MID1: variants seen among roughly 807,000 people sequenced by gnomAD.
The protein encoded by MID1 is midline 1.
MID1 carries 7 observed loss-of-function variants against 40.4 expected under a neutral mutation model. The observed-to-expected ratio is 0.17, with a 90% CI of 0.10 to 0.33. The LOEUF (loss-of-function observed/expected upper bound fraction) is 0.33. Among genes scored for constraint, MID1 ranks in the 10% least tolerant of loss-of-function variants. The probability of loss-of-function intolerance (pLI) is 1.00; values close to 1 mark genes in which losing one functional copy is unlikely to be tolerated. For synonymous variants in MID1, 229 were observed against 221.2 expected, an observed-to-expected ratio of 1.04 and a Z score of -0.31; for missense variants, 367 against 558.5, an observed-to-expected ratio of 0.66 and a Z score of 3.46.
intron 1 of MID1, among the ~76,000 whole-genome samples, chrX:10,796,485 G>A (rs1164953893): frequency 2.9e-5 from 3 of 102,286 alleles, no homozygotes; most frequent in South Asian, 9.2e-4. Flanking sequence ...TGTAGGCCCC[G>A]CATTTTTGTT....
At chrX:10,562,757 T>C (rs992841229) in intron 2 of MID1, among the ~76,000 whole-genome samples, 1 of 106,658 alleles carries the variant, frequency 9.4e-6, no homozygotes, top group Non-Finnish European at 1.9e-5. Context: ...TTTTGAGTGA[T>C]GGGAATATAG....
chrX:10,565,749 T>C (rs1395029125), intron 2 of MID1, among the ~76,000 whole-genome samples: 1 of 111,279 alleles, frequency 9.0e-6, no homozygotes, highest in Non-Finnish European at 1.9e-5. Flanking sequence ...TGAACAAACA[T>C]GTGGAGACTT....
At chrX:10,718,868 C>T (rs1437280754) in intron 1 of MID1, among the ~76,000 whole-genome samples, 1 of 111,810 alleles carries the variant, frequency 8.9e-6, no homozygotes, top group African/African-American at 3.3e-5. Flanking sequence ...TGGGCTTCAT[C>T]CCTGGGATGC....
At chrX:10,498,504 G>A (rs142384266) in intron 3 of MID1, among the ~76,000 whole-genome samples, 4 of 111,791 alleles carry the variant, frequency 3.6e-5, no homozygotes, top group East Asian at 5.6e-4. Flanking sequence ...GTGGGTTTTC[G>A]TGTATTCACA....
At chrX:10,764,936 G>C (rs770850330) in intron 1 of MID1, among the ~76,000 whole-genome samples, 6 of 111,485 alleles carry the variant, frequency 5.4e-5, no homozygotes, top group South Asian at 7.5e-4. Flanking sequence ...ACCTCTCCTT[G>C]GCTTCTGAAA....
chrX:10,667,676 A>C (rs186672282), intron 1 of MID1, among the ~76,000 whole-genome samples: 2 of 110,997 alleles, frequency 1.8e-5, no homozygotes, highest in East Asian at 5.6e-4. Context: ...GTGAAGGGGG[A>C]CCAGAATCGC....
chrX:10,461,624 C>T (rs1030631216), intron 7 of MID1, among the ~76,000 whole-genome samples: 2 of 111,157 alleles, frequency 1.8e-5, no homozygotes, highest in Non-Finnish European at 3.8e-5. Context: ...GTTCTGGGCC[C>T]CAAGAGGCCT....
intron 1 of MID1, among the ~76,000 whole-genome samples, chrX:10,799,951 T>C (rs2043994417): frequency 9.0e-6 from 1 of 110,916 alleles, no homozygotes; most frequent in Admixed American, 9.6e-5. Context: ...AGTCTTTTTT[T>C]TTTTTATTAA....
intron 3 of MID1, chrX:10,501,406 C>A: frequency 8.7e-7 from 1 of 1,154,890 alleles, no homozygotes; most frequent in Non-Finnish European, 1.1e-6. Context: ...TCAGCACATA[C>A]CTTCTCTACA....
chrX:10,716,146 T>G lies in MID1; in HGVS notation c.-186-95727A>C, dbSNP rs764438048. ...TCTAAAAATCAAGCACCTCTCCTCC[T>G]ACAAAGGAATGCGGCTCCTCACCAG... is the stretch of plus-strand genomic sequence containing the variant. On this transcript the variant is annotated intron_variant, in intron 1 of 10. Transcript: ENST00000380785. Among the ~76,000 whole-genome samples, 7 of 111,777 alleles carry G rather than the reference T, an allele frequency of 6.3e-5. No individual in the cohort carries two copies. In the South Asian group the frequency reaches 2.7e-3, roughly 42 times the overall value.
chrX:10,597,821 T>G lies in MID1; in HGVS notation c.-57+22469A>C, dbSNP rs1360186610. On this transcript the variant is annotated intron_variant, in intron 1 of 9. Transcript: ENST00000317552. The stretch of plus-strand genomic sequence containing the variant: ...ACCTTGAATACATTTTTAACTCATT[T>G]CTTAGTTGCAGAAACCAAGGTTCCA... Among the ~76,000 whole-genome samples the G allele has an allele frequency of 2.7e-5, 3 of 111,685 alleles. No individual in the cohort carries two copies. The East Asian group carries it at 8.5e-4, about 32-fold the overall frequency.
At chrX:10,510,263 A>C (rs972920556) in intron 3 of MID1, among the ~76,000 whole-genome samples, 6 of 111,377 alleles carry the variant, frequency 5.4e-5, no homozygotes, top group Non-Finnish European at 1.1e-4. Context: ...AGTTTAATGG[A>C]TTTTGATAAC....
intron 1 of MID1, among the ~76,000 whole-genome samples, chrX:10,722,433 G>A (rs2043362533): frequency 8.9e-6 from 1 of 111,900 alleles, no homozygotes. Context: ...GGCCATTCCA[G>A]TGGGGGAAAG....
intron 3 of MID1, among the ~76,000 whole-genome samples, chrX:10,514,800 T>C (rs1283296715): frequency 8.9e-6 from 1 of 111,752 alleles, no homozygotes; most frequent in Non-Finnish European, 1.9e-5. Flanking sequence ...AAAGCCACCA[T>C]ATTTGCACTA....
At chrX:10,790,650 T>G (rs1471580983) in intron 1 of MID1, among the ~76,000 whole-genome samples, 1 of 111,291 alleles carries the variant, frequency 9.0e-6, no homozygotes, top group Non-Finnish European at 1.9e-5. Context: ...CTACAGCTGA[T>G]GCAAGTCTCT....
At position 10,662,882 on chromosome X, in the gene MID1, C is replaced by A. The variant is rs1194904246; in HGVS notation, c.-186-42463G>T. Among the ~76,000 whole-genome samples the A allele has an allele frequency of 5.4e-5, 6 of 111,342 alleles. No individual in the cohort carries two copies. In the Admixed American group the frequency reaches 5.7e-4, roughly 11 times the overall value. ...AGGATTAAAACCCAGATTCCACATC[C>A]TTGCTCAGAGTACTTCATTCTGGCC... On this transcript the variant is annotated intron_variant, in intron 1 of 10. Coordinates refer to the MID1 transcript ENST00000380785.
chrX:10,482,737 C>A, intron 4 of MID1, 109 bp from the exon 5 acceptor site: 1 of 824,769 alleles, frequency 1.2e-6, no homozygotes, highest in Non-Finnish European at 1.8e-6. Flanking sequence ...CATAAAAGTT[C>A]AAAAAGTAGG....
chrX:10,504,236 G>A (rs1164976629), intron 3 of MID1, among the ~76,000 whole-genome samples: 1 of 110,964 alleles, frequency 9.0e-6, no homozygotes, highest in Non-Finnish European at 1.9e-5. Flanking sequence ...TGCATAATGA[G>A]GAAAATAACA....
intron 5 of MID1, chrX:10,475,063 C>A (rs746587633): frequency 4.5e-5 from 16 of 352,031 alleles, no homozygotes; most frequent in South Asian, 3.9e-4. Context: ...AACAGTCTGG[C>A]CCGGTCACGT....
Sources: gnomAD v4.1 joint callset for allele counts (sites outside exome capture counted in the v4.1 genomes callset) on GRCh38, gnomAD v4.1.1 for gene constraint, MANE v1.5 for transcripts, NCBI Gene and HGNC (gene_info 2026-07-23, HGNC 2026-07-21) for gene names.